Variants in ASIC2 observed in about 807,000 individuals in gnomAD.
ASIC2 encodes acid sensing ion channel subunit 2.
Under a neutral mutation model 57.3 loss-of-function variants are expected in ASIC2, and 25 were observed. The ratio of observed to expected loss-of-function variants is 0.44; its 90% CI spans 0.32 to 0.61. ASIC2 has a LOEUF of 0.61. ASIC2 is among the 20% of genes least tolerant of loss of function. The pLI is 0.06. For missense variants in ASIC2, 641 were observed against 738.1 expected (o/e 0.87, Z 1.52); for synonymous variants, 319 against 307.5 (o/e 1.04, Z -0.39).
intron 1 of ASIC2, among the ~76,000 whole-genome samples, chr17:34,089,849 C>T (rs1191683030): frequency 6.6e-6 from 1 of 152,174 alleles, no homozygotes; most frequent in Non-Finnish European, 1.5e-5. Flanking sequence ...CTCTCTGTGC[C>T]ACTGTTTCAG....
intron 1 of ASIC2, chr17:33,935,499 A>T (rs1216014780): frequency 1.3e-5 from 2 of 152,260 alleles, no homozygotes; most frequent in Admixed American, 1.3e-4. Context: ...AGCAATGAAT[A>T]AAAATACTGA....
chr17:33,793,040 CA>C (rs1911817613), intron 1 of ASIC2: 1 of 152,154 alleles, frequency 6.6e-6, no homozygotes, highest in African/African-American at 2.4e-5. Flanking sequence ...AAGTAATTAA[CA>C]AAATGCTTTT....
chr17:33,633,747 G>C (rs1906253590), intron 1 of ASIC2, among the ~76,000 whole-genome samples: 1 of 152,182 alleles, frequency 6.6e-6, no homozygotes, highest in South Asian at 2.1e-4. Flanking sequence ...TTCTCAGCCT[G>C]TCCTATTCTA....
chr17:33,599,402 T>A (rs914581866), intron 1 of ASIC2, among the ~76,000 whole-genome samples: 5 of 152,304 alleles, frequency 3.3e-5, no homozygotes, highest in Admixed American at 2.6e-4. Flanking sequence ...GGGATGGCCC[T>A]GTCTCAGGAC....
At chr17:33,579,578 T>A (rs62057814) in intron 1 of ASIC2, among the ~76,000 whole-genome samples, 31,687 of 152,004 alleles carry the variant, frequency 0.21, 3,426 homozygotes, top group South Asian at 0.37. Context: ...TGGTGAGTGT[T>A]ACAGCTCTTA....
At chr17:33,063,511 G>A (rs572694664) in intron 3 of ASIC2, among the ~76,000 whole-genome samples, 1 of 152,290 alleles carries the variant, frequency 6.6e-6, no homozygotes, top group South Asian at 2.1e-4. Context: ...CTGGCTTGTA[G>A]AGTTTCTGCT....
intron 1 of ASIC2, among the ~76,000 whole-genome samples, chr17:33,226,817 T>A (rs931405614): frequency 2.0e-5 from 3 of 152,138 alleles, no homozygotes; most frequent in Non-Finnish European, 4.4e-5. Context: ...AATAGAAATA[T>A]AAAAAGAGTC....
chr17:33,091,771 A>T (rs1350519999), intron 2 of ASIC2, among the ~76,000 whole-genome samples: 1 of 152,140 alleles, frequency 6.6e-6, no homozygotes, highest in Non-Finnish European at 1.5e-5. Flanking sequence ...GGAGCAGGTG[A>T]TAGGTAAGGT....
intron 1 of ASIC2, among the ~76,000 whole-genome samples, chr17:33,225,133 C>G (rs1331612293): frequency 6.6e-6 from 1 of 152,136 alleles, no homozygotes; most frequent in Non-Finnish European, 1.5e-5. Flanking sequence ...AATGAAAAAC[C>G]CTTGATGGCT....
At chr17:33,178,500 C>T (rs1905850684) in intron 1 of ASIC2, among the ~76,000 whole-genome samples, 1 of 152,152 alleles carries the variant, frequency 6.6e-6, no homozygotes, top group African/African-American at 2.4e-5. Context: ...GCACCAGGGA[C>T]AAAATCATAA....
chr17:33,900,133 C>A (rs890602636), intron 1 of ASIC2, among the ~76,000 whole-genome samples: 2 of 152,178 alleles, frequency 1.3e-5, no homozygotes, highest in Non-Finnish European at 2.9e-5. Context: ...AAATTAGTTC[C>A]TTCCTTTTCC....
intron 1 of ASIC2, among the ~76,000 whole-genome samples, chr17:33,484,148 C>G (rs1026737625): frequency 6.6e-6 from 1 of 152,204 alleles, no homozygotes; most frequent in Non-Finnish European, 1.5e-5. Context: ...CTTCTGACCT[C>G]CAGAACTACA....
intron 1 of ASIC2, among the ~76,000 whole-genome samples, chr17:33,329,129 G>A (rs1907200826): frequency 6.6e-6 from 1 of 152,190 alleles, no homozygotes; most frequent in African/African-American, 2.4e-5. Context: ...ACAGCATGGA[G>A]TAGTTGATAG....
At chr17:33,782,681 A>C (rs888152762) in intron 1 of ASIC2, among the ~76,000 whole-genome samples, 3 of 152,108 alleles carry the variant, frequency 2.0e-5, no homozygotes, top group African/African-American at 7.2e-5. Flanking sequence ...CTGAGCTGAG[A>C]TCATACCACT....
intron 1 of ASIC2, among the ~76,000 whole-genome samples, chr17:34,139,071 G>A (rs1156564471): frequency 1.3e-5 from 2 of 152,176 alleles, no homozygotes; most frequent in African/African-American, 4.8e-5. Flanking sequence ...TACTGATTCA[G>A]GTTCAAATTT....
At chr17:33,486,289 T>C (rs926906139) in intron 1 of ASIC2, among the ~76,000 whole-genome samples, 2 of 152,196 alleles carry the variant, frequency 1.3e-5, no homozygotes, top group Non-Finnish European at 2.9e-5. Flanking sequence ...ATTTTATGTA[T>C]AGATGCCCCC....
At chr17:33,241,525 T>A (rs1237927333) in intron 1 of ASIC2, among the ~76,000 whole-genome samples, 1 of 152,242 alleles carries the variant, frequency 6.6e-6, no homozygotes, top group Non-Finnish European at 1.5e-5. Flanking sequence ...CATTTCCTCA[T>A]AGATACAAAC....
At position 33,275,693 on chromosome 17, in the gene ASIC2, A is replaced by T. The variant is rs200346274; in HGVS notation, c.708+15715T>A. On this transcript the variant is annotated intron_variant, in intron 1 of 9. Transcript: ENST00000225823. ...TGAAACTGCTTGCAGACTTCCATAAAATCTGTCTATGGAAAAGTGAAGACT... is the reference window on the plus strand; with the variant it reads ...TGAAACTGCTTGCAGACTTCCATAATATCTGTCTATGGAAAAGTGAAGACT... 9.9e-5 allele frequency among the ~76,000 whole-genome samples: 15 copies of T among 152,134 alleles called. No individual in the cohort carries two copies. The East Asian group carries it at 2.9e-3, about 29-fold the overall frequency.
intron 1 of ASIC2, among the ~76,000 whole-genome samples, chr17:33,460,510 G>A (rs940313765): frequency 2.6e-5 from 4 of 152,338 alleles, no homozygotes; most frequent in Middle Eastern, 3.4e-3. Flanking sequence ...GGAAGAAGCC[G>A]TAAGTGAGGC....
Sources: allele counts gnomAD v4.1 joint callset (sites outside exome capture counted in the v4.1 genomes callset), GRCh38; gene constraint gnomAD v4.1.1; transcripts MANE v1.5; gene names NCBI Gene and HGNC (gene_info 2026-07-23, HGNC 2026-07-21).